TMEM116: variants seen among roughly 807,000 people sequenced by gnomAD.
The protein encoded by TMEM116 is transmembrane protein 116.
Under a neutral mutation model 44.3 loss-of-function variants are expected in TMEM116, and 38 were observed. The ratio of observed to expected loss-of-function variants is 0.86; its 90% CI spans 0.66 to 1.12. The LOEUF is 1.12. TMEM116 is among the 50% of genes most tolerant of loss of function. The pLI is 0.00. For missense variants in TMEM116, 354 were observed against 401.7 expected, an observed-to-expected ratio of 0.88 and a Z score of 1.01; for synonymous variants, 132 against 144.8, an observed-to-expected ratio of 0.91 and a Z score of 0.64.
chr12:111,978,380 G>C (rs2075779314), intron 4 of TMEM116, among the ~76,000 whole-genome samples: 1 of 150,792 alleles, frequency 6.6e-6, no homozygotes, highest in African/African-American at 2.5e-5. Flanking sequence ...CTGGGCGACA[G>C]AGTGAGACTT....
At chr12:111,995,508 T>C (rs764136577) in intron 3 of TMEM116, among the ~76,000 whole-genome samples, 1 of 151,900 alleles carries the variant, frequency 6.6e-6, no homozygotes, top group East Asian at 1.9e-4. Context: ...CTTTGGGAGG[T>C]GGGCAGATCA....
intron 4 of TMEM116, among the ~76,000 whole-genome samples, chr12:111,990,572 A>G (rs1448004400): frequency 6.6e-6 from 1 of 152,236 alleles, no homozygotes; most frequent in African/African-American, 2.4e-5. Context: ...CACCAATTAC[A>G]TATTATTAAT....
At chr12:112,012,860 G>C (rs2077911924) in intron 1 of TMEM116, 142 bp downstream of exon 1, 1 of 152,946 alleles carries the variant, frequency 6.5e-6, no homozygotes, top group African/African-American at 2.4e-5. Flanking sequence ...CTCAGATCGG[G>C]CCTAAGAGGG....
At chr12:111,946,564 C>T (rs936815626) in intron 4 of TMEM116, among the ~76,000 whole-genome samples, 4 of 152,136 alleles carry the variant, frequency 2.6e-5, no homozygotes, top group African/African-American at 9.7e-5. Flanking sequence ...CCTGGGTGGG[C>T]CAGGTGTTCC....
At chr12:111,955,365 G>T (rs1169942622) in intron 4 of TMEM116, among the ~76,000 whole-genome samples, 2 of 152,150 alleles carry the variant, frequency 1.3e-5, no homozygotes, top group Non-Finnish European at 2.9e-5. Context: ...AAATCTTAGT[G>T]CAACAACCCT....
intron 4 of TMEM116, among the ~76,000 whole-genome samples, chr12:111,989,956 T>TA (rs1408701214): frequency 6.6e-6 from 1 of 151,952 alleles, no homozygotes; most frequent in African/African-American, 2.4e-5. Context: ...AATAAAGTTG[T>TA]AAAAAAATAA....
chr12:111,950,485 A>T (rs1239379656), intron 4 of TMEM116, among the ~76,000 whole-genome samples: 1 of 151,968 alleles, frequency 6.6e-6, no homozygotes, highest in Non-Finnish European at 1.5e-5. Flanking sequence ...AAAAAAAAAA[A>T]AAAATCCTTT....
intron 4 of TMEM116, among the ~76,000 whole-genome samples, chr12:111,987,964 T>G (rs1018912439): frequency 6.6e-6 from 1 of 152,178 alleles, no homozygotes; most frequent in African/African-American, 2.4e-5. Context: ...ATGTGGTCTA[T>G]CCATACAATA....
At chr12:111,933,400 A>G (rs2071819092) in intron 9 of TMEM116, among the ~76,000 whole-genome samples, 1 of 152,120 alleles carries the variant, frequency 6.6e-6, no homozygotes, top group African/African-American at 2.4e-5. Context: ...ATAAGAAGCA[A>G]AAGGAGTTAA....
At chr12:111,978,825 T>C (rs1163566922) in intron 4 of TMEM116, 1 of 419,774 alleles carries the variant, frequency 2.4e-6, no homozygotes, top group South Asian at 1.7e-5. Context: ...AGTCACACAT[T>C]GTATGGTAAT....
At chr12:111,956,867 TCCACCTCCCAG>T (rs1278403746) in intron 4 of TMEM116, among the ~76,000 whole-genome samples, 3 of 152,038 alleles carry the variant, frequency 2.0e-5, no homozygotes, top group African/African-American at 7.2e-5. Flanking sequence ...CGCTACAACC[TCCACCTCCCAG>T]CCACCTGCCT....
At chr12:112,003,194 T>C (rs16941804) in intron 3 of TMEM116, among the ~76,000 whole-genome samples, 19,119 of 152,244 alleles carry the variant, frequency 0.13, 1,821 homozygotes, top group African/African-American at 0.27. Flanking sequence ...CTGCTATGCT[T>C]AGAGTGAATA....
chr12:111,932,718 T>A (rs190392584), intron 9 of TMEM116, 59 bp from the exon 10 acceptor site: 2 of 1,315,490 alleles, frequency 1.5e-6, no homozygotes, highest in Admixed American at 1.7e-5. Flanking sequence ...AGTATCAGGT[T>A]CCTCCACACA....
At chr12:111,990,249 C>T (rs984292970) in intron 4 of TMEM116, among the ~76,000 whole-genome samples, 5 of 137,966 alleles carry the variant, frequency 3.6e-5, no homozygotes, top group South Asian at 2.4e-4. Flanking sequence ...AGCGAGACTC[C>T]GCCTCAAAAA....
intron 8 of TMEM116, chr12:111,936,188 T>C (rs1023748496): frequency 6.6e-6 from 1 of 152,246 alleles, no homozygotes; most frequent in African/African-American, 2.4e-5. Context: ...GGCTAATTAT[T>C]CTAATTGTAT....
chr12:111,974,699 C>T (rs1232937293), intron 4 of TMEM116, among the ~76,000 whole-genome samples: 1 of 149,518 alleles, frequency 6.7e-6, no homozygotes, highest in Non-Finnish European at 1.5e-5. Flanking sequence ...GCATCCAGAA[C>T]TGGAAAGGAA....
chr12:112,011,628 G>A (rs748079668), intron 1 of TMEM116: 1 of 152,124 alleles, frequency 6.6e-6, no homozygotes, highest in Non-Finnish European at 1.5e-5. Flanking sequence ...CTTCCAACTA[G>A]ACTATTGCCA....
At chr12:111,971,702 T>G (rs2075351056) in intron 4 of TMEM116, among the ~76,000 whole-genome samples, 1 of 152,182 alleles carries the variant, frequency 6.6e-6, no homozygotes, top group South Asian at 2.1e-4. Flanking sequence ...TATTAAAGAT[T>G]GTCAGACTGG....
chr12:111,961,477 T>C (rs1042393707), intron 4 of TMEM116, among the ~76,000 whole-genome samples: 1 of 152,226 alleles, frequency 6.6e-6, no homozygotes. Context: ...TTATCCACCA[T>C]GATCAAGTTG....
Sources: allele counts gnomAD v4.1 joint callset (sites outside exome capture counted in the v4.1 genomes callset), GRCh38; gene constraint gnomAD v4.1.1; transcripts MANE v1.5; gene names NCBI Gene and HGNC (gene_info 2026-07-23, HGNC 2026-07-21).